The following SETX variants were observed in gnomAD, a reference collection of about 807,000 sequenced individuals.
The protein encoded by SETX is senataxin, also known as helicase senataxin.
SETX carries 90 observed loss-of-function variants against 227.2 expected under a neutral mutation model. That is an observed-to-expected ratio of 0.40 (90% CI 0.33 to 0.47). The LOEUF is 0.47. SETX is among the 20% of genes least tolerant of loss of function. The pLI is 0.91. For synonymous variants in SETX, 1,210 were observed against 1,113.2 expected (o/e 1.09, Z -1.73); for missense variants, 3,052 against 3,181.5 (o/e 0.96, Z 0.98).
intron 15 of SETX, among the ~76,000 whole-genome samples, chr9:132,294,025 AAAATAAAT>A (rs553767403): frequency 6.6e-6 from 1 of 151,966 alleles, no homozygotes; most frequent in Non-Finnish European, 1.5e-5. Flanking sequence ...CTCCGTCTCA[AAAATAAAT>A]AAATAAATAA....
At chr9:132,274,329 C>G (rs1246698447) in intron 23 of SETX, among the ~76,000 whole-genome samples, 2 of 151,820 alleles carry the variant, frequency 1.3e-5, no homozygotes, top group Non-Finnish European at 2.9e-5. Context: ...GTGAGAATGA[C>G]TTGTGTTCAT....
upstream of SETX, among the ~76,000 whole-genome samples, chr9:132,355,773 G>A (rs532783481): frequency 1.3e-5 from 2 of 152,278 alleles, no homozygotes; most frequent in South Asian, 4.1e-4. Context: ...GATCACCTGA[G>A]GTCAGGAGTT....
rs908736022 is a variant in SETX at position 132,269,607 on chromosome 9, G to A, written c.7287+8C>T. 6.2e-7 allele frequency: 1 copy of A among 1,613,828 alleles called. No homozygotes were observed. Among genetic ancestry groups the A allele is most frequent in the Non-Finnish European group, 8.5e-7 (1 of 1,179,834 alleles). On this transcript the variant is annotated splice_region_variant and intron_variant, in intron 25 of 25. Coordinates refer to ENST00000224140, the MANE Select transcript of SETX (RefSeq NM_015046.7). The stretch of plus-strand genomic sequence containing the variant: ...AATGGGTAAACTTCTGAGCTCTCTG[G>A]TACCTACCATCAGGGTCCTCAAATG...
intron 25 of SETX, among the ~76,000 whole-genome samples, chr9:132,266,710 TG>T (rs1325746901): frequency 6.6e-6 from 1 of 152,054 alleles, no homozygotes; most frequent in East Asian, 1.9e-4. Context: ...AGGCGGACGT[TG>T]CAGTGAGCTG....
intron 25 of SETX, among the ~76,000 whole-genome samples, chr9:132,269,239 G>A (rs944813805): frequency 2.6e-5 from 4 of 152,368 alleles, no homozygotes; most frequent in South Asian, 2.1e-4. Context: ...AGCAGAGCAC[G>A]CGCCTGCAAA....
Position 132,311,772 on chromosome 9 carries a change from A to G in SETX, c.5359T>C (p.Tyr1787His). 6.2e-7 allele frequency: 1 copy of G among 1,612,216 alleles called. No homozygotes were observed. The highest frequency in any genetic ancestry group is 8.5e-7 in the Non-Finnish European group (1 of 1,178,660). ...AAAAACTTACCTGCAAACTCCCAGT[A>G]TTTTATATAATCGGCAGGAAATTTT... The part of the protein sequence containing the change: ...VRKFPADYIK[Y>H]WEFAVYLEEC... The change falls in exon 11 of 26, where the codon TAC (tyrosine) becomes CAC (histidine). Residue 1787 changes from tyrosine (Y) to histidine (H), a missense_variant. Tyr to His is a moderately conservative substitution (Grantham distance 83). This residue lies in a region of SETX where 239 missense variants were observed against 272.1 expected (regional missense o/e 0.88). Transcript: ENST00000224140.
intron 18 of SETX, among the ~76,000 whole-genome samples, chr9:132,283,624 A>C (rs1368911380): frequency 6.6e-6 from 1 of 152,254 alleles, no homozygotes; most frequent in Non-Finnish European, 1.5e-5. Context: ...TTCGCGGCTG[A>C]AACACAGAAT....
chr9:132,270,266 G>C (rs7025062), intron 24 of SETX, among the ~76,000 whole-genome samples: 13,158 of 148,936 alleles, frequency 0.088, 695 homozygotes, highest in South Asian at 0.14. Context: ...GTGGACTCTA[G>C]AATGACTCAG....
At chr9:132,348,415 TTCAGATAC>T (rs1319812031) in intron 3 of SETX, among the ~76,000 whole-genome samples, 1 of 148,632 alleles carries the variant, frequency 6.7e-6, no homozygotes, top group East Asian at 2.0e-4. Context: ...ACCCAGGCCA[TTCAGATAC>T]TCAGATACAT....
intron 20 of SETX, 75 bp from the exon 21 acceptor site, chr9:132,278,332 T>C (rs1843289564): frequency 6.9e-7 from 1 of 1,448,330 alleles, no homozygotes; most frequent in Admixed American, 1.7e-5. Flanking sequence ...ACACAATTAC[T>C]GAGATCTAAT....
At chr9:132,345,879 C>T (rs11243733) in intron 4 of SETX, among the ~76,000 whole-genome samples, 19,893 of 151,994 alleles carry the variant, frequency 0.13, 1,910 homozygotes, top group East Asian at 0.42. Flanking sequence ...ATTAGCTGGA[C>T]GCAATGGCAC....
At chr9:132,275,947 G>C (rs1049310734) in intron 22 of SETX, among the ~76,000 whole-genome samples, 3 of 152,040 alleles carry the variant, frequency 2.0e-5, no homozygotes, top group African/African-American at 2.4e-5. Flanking sequence ...TGTCCCACTT[G>C]ACCCCAGTTG....
At chr9:132,354,186 G>A (rs1268814009) in intron 1 of SETX, among the ~76,000 whole-genome samples, 1 of 152,198 alleles carries the variant, frequency 6.6e-6, no homozygotes, top group East Asian at 1.9e-4. Context: ...AAAGTCCTGT[G>A]GCCAGCAGCA....
chr9:132,275,965 T>A (rs1353117080), intron 22 of SETX, among the ~76,000 whole-genome samples: 1 of 152,082 alleles, frequency 6.6e-6, no homozygotes, highest in East Asian at 1.9e-4. Flanking sequence ...TTGAACAACA[T>A]GGGGCCCTGG....
upstream of SETX, among the ~76,000 whole-genome samples, chr9:132,355,557 CT>C (rs1848866354): frequency 6.6e-6 from 1 of 152,194 alleles, no homozygotes; most frequent in Non-Finnish European, 1.5e-5. Context: ...GAGTAAATCC[CT>C]CGCTGGTGCG....
At chr9:132,347,982 C>A (rs1848383772) in intron 3 of SETX, among the ~76,000 whole-genome samples, 1 of 151,496 alleles carries the variant, frequency 6.6e-6, no homozygotes, top group Admixed American at 6.6e-5. Flanking sequence ...GTTATCATGA[C>A]TGGAAAATAT....
At chr9:132,278,543 C>G (rs909240619) in intron 20 of SETX, among the ~76,000 whole-genome samples, 2 of 147,208 alleles carry the variant, frequency 1.4e-5, no homozygotes, top group African/African-American at 5.0e-5. Context: ...CATCCTTCAC[C>G]TCCCAGGTTC....
At chr9:132,271,634 T>C in intron 24 of SETX, 76 bp downstream of exon 24, 1 of 1,177,742 alleles carries the variant, frequency 8.5e-7, no homozygotes, top group Non-Finnish European at 1.3e-6. Flanking sequence ...CTAACAGTGA[T>C]AATGAACCTA....
At chr9:132,287,587 G>A (rs945771078) in intron 17 of SETX, among the ~76,000 whole-genome samples, 8 of 152,186 alleles carry the variant, frequency 5.3e-5, no homozygotes, top group African/African-American at 1.7e-4. Flanking sequence ...ATCTATGGCT[G>A]CCTTTGTGCT....
Sources: gnomAD v4.1 joint callset for allele counts (sites outside exome capture counted in the v4.1 genomes callset) on GRCh38, gnomAD v4.1.1 for gene constraint, gnomAD v4.1.1 regional missense constraint, MANE v1.5 for transcripts, NCBI Gene and HGNC (gene_info 2026-07-23, HGNC 2026-07-21) for gene names.